Variants in CA5A observed in about 807,000 individuals in gnomAD.
The protein encoded by CA5A is carbonic anhydrase 5A, mitochondrial.
In CA5A, 28 loss-of-function variants were observed where a neutral mutation model predicts 37.1. The observed-to-expected ratio is 0.75, with a 90% confidence interval of 0.56 to 1.03. The LOEUF is 1.03. CA5A is among the 50% of genes least tolerant of loss of function. The pLI, the probability that CA5A is intolerant of heterozygous loss-of-function variation, is 0.00. For synonymous variants in CA5A, 171 were observed against 158.4 expected, an observed-to-expected ratio of 1.08 and a Z score of -0.60; for missense variants, 444 against 399.9, an observed-to-expected ratio of 1.11 and a Z score of -0.94.
At chr16:87,927,652 G>A (rs1257543042) in intron 1 of CA5A, among the ~76,000 whole-genome samples, 1 of 152,148 alleles carries the variant, frequency 6.6e-6, no homozygotes, top group Non-Finnish European at 1.5e-5. Context: ...CTTGAGGTCA[G>A]GAGTTTGAGA....
chr16:87,935,099 G>A (rs1403887277), intron 1 of CA5A, among the ~76,000 whole-genome samples: 6 of 152,240 alleles, frequency 3.9e-5, no homozygotes, highest in Non-Finnish European at 7.3e-5. Context: ...AAGACCTGCC[G>A]AGGCTCCACC....
At chr16:87,922,364 G>T (rs889926227) in intron 2 of CA5A, among the ~76,000 whole-genome samples, 1 of 152,176 alleles carries the variant, frequency 6.6e-6, no homozygotes, top group South Asian at 2.1e-4. Context: ...CCAAAAGCAG[G>T]CTTTGACTTG....
exon 5 of CA5A, chr16:87,881,589 T>C (rs2055608151): frequency 6.6e-6 from 1 of 152,124 alleles, no homozygotes; most frequent in South Asian, 2.1e-4. Context: ...GAAAATAAGA[T>C]AAAAGCAAAG....
intron 3 of CA5A, among the ~76,000 whole-genome samples, chr16:87,904,352 A>G (rs1453187506): frequency 6.6e-6 from 1 of 151,156 alleles, no homozygotes; most frequent in Non-Finnish European, 1.5e-5. Flanking sequence ...AAAAAAAAAA[A>G]CCAAAAACCA....
At chr16:87,914,555 C>T (rs1416468500) in intron 2 of CA5A, among the ~76,000 whole-genome samples, 1 of 152,152 alleles carries the variant, frequency 6.6e-6, no homozygotes, top group Non-Finnish European at 1.5e-5. Flanking sequence ...CGTCTGAACA[C>T]AGCTAGAGCC....
At chr16:87,912,381 G>A (rs915597494) in intron 2 of CA5A, among the ~76,000 whole-genome samples, 7 of 152,176 alleles carry the variant, frequency 4.6e-5, no homozygotes, top group Non-Finnish European at 7.3e-5. Context: ...GCAGAGATCC[G>A]CAGTCCCCTG....
rs112673036 is a variant in CA5A at position 87,888,079 on chromosome 16, C to T, written c.*50G>A. On this transcript the variant is annotated 3_prime_UTR_variant, in exon 7 of 7. Transcript: ENST00000649794. ...TCACATTGTGAAACTTGGGAAACAA[C>T]GCTTCCTTCCTTCAAAGTCAGTTCT... 4,512 of 1,533,572 alleles carry T rather than the reference C, an allele frequency of 2.9e-3. 120 individuals carry two copies. The African/African-American group carries it at 0.056, about 19-fold the overall frequency. The allele number at this position is 1,533,572 out of a possible 1,614,324, so 95.0% of individuals were successfully genotyped here. A position where few individuals can be genotyped will look rare whatever the true frequency, so the allele number is the denominator to read the frequency against.
rs114704846 is a variant in CA5A at position 87,895,607 on chromosome 16, T to C, written c.619-3653A>G. Among the ~76,000 whole-genome samples, 507 of 152,240 alleles carry C rather than the reference T, an allele frequency of 3.3e-3. 5 individuals carry two copies. Among genetic ancestry groups the C allele is most frequent in the African/African-American group, 0.011 (474 of 41,542 alleles). ...ATAAAAATTGAAGGGTACAGTTCTA[T>C]GGTTTTGGGTATATTCACAGTTGTG... On this transcript the variant is annotated intron_variant, in intron 5 of 6. Coordinates refer to ENST00000649794, the MANE Select transcript of CA5A (RefSeq NM_001739.2).
chr16:87,881,659 C>T lies in CA5A; in HGVS notation c.*297G>A, dbSNP rs1344949391. On this transcript the variant is annotated 3_prime_UTR_variant, in exon 5 of 5. Transcript: ENST00000648177. ...AATTCTACAATACAATCAGAAGCCA[C>T]AATCTGGTCACAGTGAGAGCCCTTC... 4 of 152,210 alleles carry T rather than the reference C, an allele frequency of 2.6e-5. No homozygotes were observed. In the South Asian group the frequency reaches 8.3e-4, roughly 32 times the overall value. The allele number at this position is 152,210 out of a possible 1,614,324, so 9.4% of individuals were successfully genotyped here.
rs533223751 is a variant in CA5A, at chr16:87,923,701, A to G, written c.340+3047T>C. ...GAATTTATTTTGTAAAATAACAAAC[A>G]AAAGTCCAAAATAACCTTCAAAGTT... On this transcript the variant is annotated intron_variant, in intron 2 of 6. Coordinates refer to ENST00000649794, the MANE Select transcript of CA5A (RefSeq NM_001739.2). 48 of 985,454 alleles carry G rather than the reference A, an allele frequency of 4.9e-5. No individual in the cohort carries two copies. The African/African-American group carries it at 8.0e-4, about 16-fold the overall frequency. 61.0% of individuals were successfully genotyped at this position (985,454 alleles called of 1,614,324 possible).
intron 2 of CA5A, among the ~76,000 whole-genome samples, chr16:87,917,712 CAT>C (rs893232141): frequency 1.6e-5 from 1 of 62,600 alleles, no homozygotes; most frequent in African/African-American, 4.5e-5. Flanking sequence ...CGAACACACA[CAT>C]GAACACGTGC....
At chr16:87,913,753 G>C (rs2056087256) in intron 2 of CA5A, among the ~76,000 whole-genome samples, 1 of 150,732 alleles carries the variant, frequency 6.6e-6, no homozygotes, top group South Asian at 2.1e-4. Context: ...TGACTGACTC[G>C]TCCCCGGTCT....
Position 87,909,553 on chromosome 16 carries a change from G to C in CA5A, c.341-4649C>G, listed in dbSNP as rs188676268. ...CTGGAGCGGCCCCTGGTGGCAGTTC[G>C]GTGAAGAGCAACGTAGCCCGCGCGG... is the stretch of plus-strand genomic sequence containing the variant. On this transcript the variant is annotated intron_variant, in intron 2 of 6. Transcript: ENST00000649794. 2.0e-4 allele frequency among the ~76,000 whole-genome samples: 31 copies of C among 152,340 alleles called. No individual in the cohort carries two copies. The East Asian group carries it at 5.0e-3, about 25-fold the overall frequency.
chr16:87,893,146 CTTTT>C, intron 5 of CA5A: 1 of 386,242 alleles, frequency 2.6e-6, no homozygotes, highest in Non-Finnish European at 4.6e-6. Flanking sequence ...TTCTTTCTTT[CTTTT>C]TTTTTTCAGA....
At chr16:87,916,061 G>T (rs889703555) in intron 2 of CA5A, among the ~76,000 whole-genome samples, 1 of 151,698 alleles carries the variant, frequency 6.6e-6, no homozygotes, top group Non-Finnish European at 1.5e-5. Context: ...GGGGTTACTC[G>T]GGAGCCTGCG....
chr16:87,897,950 C>T (rs763614820), intron 5 of CA5A, among the ~76,000 whole-genome samples: 7 of 152,104 alleles, frequency 4.6e-5, no homozygotes, highest in Admixed American at 1.3e-4. Flanking sequence ...GTGCTCCTGA[C>T]GGGAGTGGTA....
intron 2 of CA5A, among the ~76,000 whole-genome samples, chr16:87,907,790 G>C (rs1461870892): frequency 6.6e-6 from 1 of 152,014 alleles, no homozygotes; most frequent in Non-Finnish European, 1.5e-5. Context: ...GCCAGGTGTG[G>C]TGGCAGGTGC....
intron 2 of CA5A, among the ~76,000 whole-genome samples, chr16:87,905,747 C>A (rs144827312): frequency 6.6e-6 from 1 of 152,240 alleles, no homozygotes; most frequent in Non-Finnish European, 1.5e-5. Flanking sequence ...CACCACAGGG[C>A]CAGCTTTTAT....
In CA5A at chr16:87,888,869, C is replaced by T. The variant is rs190266657; in HGVS notation, c.775-597G>A. Among the ~76,000 whole-genome samples the T allele has an allele frequency of 5.3e-3, 807 of 152,126 alleles. 2 individuals carry two copies. Among genetic ancestry groups the T allele is most frequent in the Admixed American group, 0.011 (174 of 15,272 alleles). On this transcript the variant is annotated intron_variant, in intron 6 of 6. Coordinates refer to ENST00000649794, the MANE Select transcript of CA5A (RefSeq NM_001739.2). ...CCAGGTTCAAGCGATTCTCCTGCCT[C>T]GGCCTCCTGAGTAGTTGGAATTACA...
Sources: gnomAD v4.1 joint callset for allele counts (sites outside exome capture counted in the v4.1 genomes callset) on GRCh38, gnomAD v4.1.1 for gene constraint, MANE v1.5 for transcripts, NCBI Gene and HGNC (gene_info 2026-07-23, HGNC 2026-07-21) for gene names.